The following ZBTB37 variants were observed in gnomAD, a reference collection of about 807,000 sequenced individuals.
The protein encoded by ZBTB37 is zinc finger and BTB domain-containing protein 37.
A neutral mutation model predicts 37.7 loss-of-function variants in ZBTB37; 15 were observed. The observed-to-expected ratio is 0.40, with a 90% CI of 0.27 to 0.61. ZBTB37 has a LOEUF of 0.61. Among genes scored for constraint, ZBTB37 ranks in the 20% least tolerant of loss-of-function variants. The probability of loss-of-function intolerance (pLI) is 0.44; values close to 1 mark genes in which losing one functional copy is unlikely to be tolerated. For missense variants in ZBTB37, 514 were observed against 641.9 expected (o/e 0.80, Z 2.15); for synonymous variants, 231 against 220.6 (o/e 1.05, Z -0.42).
intron 4 of ZBTB37, among the ~76,000 whole-genome samples, chr1:173,879,042 G>C (rs1656143853): frequency 6.8e-6 from 1 of 147,462 alleles, no homozygotes; most frequent in Non-Finnish European, 1.5e-5. Flanking sequence ...AGTGAGCCGA[G>C]ACCATGCCAT....
chr1:173,872,721 A>T (rs1364894538), intron 3 of ZBTB37, among the ~76,000 whole-genome samples: 1 of 152,150 alleles, frequency 6.6e-6, no homozygotes, highest in East Asian at 1.9e-4. Context: ...CAGAAGTAAT[A>T]TCAGGGCCAG....
intron 2 of ZBTB37, among the ~76,000 whole-genome samples, chr1:173,869,801 G>C (rs1351667273): frequency 2.6e-5 from 4 of 152,182 alleles, no homozygotes; most frequent in Admixed American, 1.3e-4. Flanking sequence ...CATTTATTCA[G>C]AAAGCTTTCC....
intron 2 of ZBTB37, among the ~76,000 whole-genome samples, chr1:173,869,726 TAAA>T (rs541630238): frequency 5.9e-5 from 9 of 152,306 alleles, no homozygotes; most frequent in African/African-American, 9.6e-5. Context: ...TATAAAATAA[TAAA>T]CATAATTCTT....
rs748601826 is a variant in ZBTB37 at position 173,870,890 on chromosome 1, T to C, written c.665T>C (p.Val222Ala). The C allele has an allele frequency of 1.2e-6, 2 of 1,614,178 alleles. No individual in the cohort carries two copies. The highest frequency in any genetic ancestry group is 4.5e-5 in the East Asian group (2 of 44,882). The change falls in exon 3 of 5, where the codon GTG becomes GCG. Residue 222 changes from valine (V) to alanine (A), a missense_variant. By Grantham distance (64) the Val-to-Ala change is moderately conservative. Transcript: ENST00000427304. The stretch of plus-strand genomic sequence containing the variant: ...ATCAACCGAGCAGGACAGTGGTATG[T>C]GGAGACAGGAGTGGCGGACCGTGGG...
At chr1:173,883,723 C>T (rs555123502) in intron 4 of ZBTB37, among the ~76,000 whole-genome samples, 59 of 152,238 alleles carry the variant, frequency 3.9e-4, no homozygotes, top group African/African-American at 1.3e-3. Context: ...AATCTTAAAA[C>T]CTCAGTCTTA....
chr1:173,902,337 TAAAAC>T (rs1442505528), exon 4 of ZBTB37: 1 of 152,250 alleles, frequency 6.6e-6, no homozygotes, highest in Non-Finnish European at 1.5e-5. Flanking sequence ...GGATTCATAT[TAAAAC>T]AGACAATCAG....
In ZBTB37 at chr1:173,878,025, A is replaced by G. The variant is rs557383267; in HGVS notation, c.1023+4459A>G. ...TTTAACCCAACTTTTCCCACCACTC[A>G]TCAGCATTCACTGTCTCAAACAGAT... On this transcript the variant is annotated intron_variant, in intron 4 of 4. Coordinates refer to ENST00000427304, the Ensembl canonical transcript of ZBTB37. Among the ~76,000 whole-genome samples, 17 of 152,314 alleles carry G rather than the reference A, an allele frequency of 1.1e-4. No homozygotes were observed. In the South Asian group the frequency reaches 1.7e-3, roughly 15 times the overall value.
rs190271798 is a variant in ZBTB37, at chr1:173,876,569, C to T, written c.1023+3003C>T. ...CTGACCTCAGGTAATCCAACCGCCT[C>T]AGCCTCCCGAAGTGCTGGGATTACA... On this transcript the variant is annotated intron_variant, in intron 4 of 4. Coordinates refer to ENST00000427304, the Ensembl canonical transcript of ZBTB37. 6.9e-4 allele frequency among the ~76,000 whole-genome samples: 105 copies of T among 152,328 alleles called. 2 individuals are homozygous for T. The East Asian group carries it at 0.016, about 23-fold the overall frequency.
chr1:173,881,542 A>C lies in ZBTB37; in HGVS notation c.1024-4094A>C, dbSNP rs528581600. 4.8e-3 allele frequency among the ~76,000 whole-genome samples: 732 copies of C among 152,332 alleles called. 3 individuals are homozygous for C. The highest frequency in any genetic ancestry group is 8.8e-3 in the Non-Finnish European group (602 of 68,028). On this transcript the variant is annotated intron_variant, in intron 4 of 4. Coordinates refer to ENST00000427304, the Ensembl canonical transcript of ZBTB37. Reference sequence around the variant, plus strand: ...GAGGAATTGCCACACTGTCTTCCACAATGGTTGAACTAGTTTACAGTCCCA... The same window carrying C: ...GAGGAATTGCCACACTGTCTTCCACCATGGTTGAACTAGTTTACAGTCCCA...
chr1:173,884,521 G>A (rs887593137), intron 4 of ZBTB37, among the ~76,000 whole-genome samples: 2 of 151,926 alleles, frequency 1.3e-5, no homozygotes, highest in African/African-American at 2.4e-5. Flanking sequence ...CCCAGTTTTC[G>A]GATAAAAGAA....
chr1:173,899,558 GCTTT>G (rs1657180748), exon 4 of ZBTB37: 1 of 152,166 alleles, frequency 6.6e-6, no homozygotes, highest in Non-Finnish European at 1.5e-5. Flanking sequence ...CCGGCCTTAT[GCTTT>G]CTATTACAGG....
chr1:173,875,539 C>T (rs1359591971), intron 4 of ZBTB37, among the ~76,000 whole-genome samples: 4 of 151,928 alleles, frequency 2.6e-5, no homozygotes, highest in Non-Finnish European at 5.9e-5. Context: ...GTGGGCCAGG[C>T]TGGTCTTGAA....
chr1:173,897,648 T>A (rs939281308), exon 4 of ZBTB37: 1 of 152,216 alleles, frequency 6.6e-6, no homozygotes, highest in Non-Finnish European at 1.5e-5. Context: ...AAAGTCAGTG[T>A]AGAATATCCT....
chr1:173,893,226 A>G (rs1022362699), exon 4 of ZBTB37: 1 of 152,160 alleles, frequency 6.6e-6, no homozygotes, highest in East Asian at 1.9e-4. Flanking sequence ...TTTTATATTC[A>G]GCATCTCATA....
At chr1:173,871,621 G>T (rs1655569611) in intron 3 of ZBTB37, among the ~76,000 whole-genome samples, 1 of 152,154 alleles carries the variant, frequency 6.6e-6, no homozygotes, top group Non-Finnish European at 1.5e-5. Context: ...AGCAGTAATT[G>T]TTCTTTTCAA....
At position 173,870,293 on chromosome 1, in the gene ZBTB37, AC is replaced by A; in HGVS notation, c.70del (p.Gln24SerfsTer40). The A allele has an allele frequency of 6.2e-7, 1 of 1,614,152 alleles. No individual in the cohort carries two copies. ...AGCAACTCTGTCCTGAGCCATCTAA[AC>A]CAGTTGCGCATGCAGGGCCGTCTCT... On this transcript the variant is annotated frameshift_variant, in exon 3 of 5. Coordinates refer to ENST00000427304, the Ensembl canonical transcript of ZBTB37. LOFTEE classifies it high-confidence loss of function.
chr1:173,878,823 C>A (rs1259842337), intron 4 of ZBTB37, among the ~76,000 whole-genome samples: 1 of 152,134 alleles, frequency 6.6e-6, no homozygotes, highest in African/African-American at 2.4e-5. Context: ...GTGGCTCATG[C>A]CTATAATCCC....
At chr1:173,885,851 A>G (rs746963048) in exon 5 of ZBTB37, 42 of 1,551,760 alleles carry the variant, frequency 2.7e-5, no homozygotes, top group Non-Finnish European at 3.6e-5. Flanking sequence ...ATACCCGGAA[A>G]GATCAGCTGG....
At chr1:173,895,126 C>T (rs1656995380) in exon 4 of ZBTB37, 1 of 152,202 alleles carries the variant, frequency 6.6e-6, no homozygotes, top group Non-Finnish European at 1.5e-5. Flanking sequence ...TGTTTTAGGA[C>T]AGAGTTTCAC....
Sources: allele counts gnomAD v4.1 joint callset (sites outside exome capture counted in the v4.1 genomes callset), GRCh38; gene constraint gnomAD v4.1.1; transcripts MANE v1.5; gene names NCBI Gene and HGNC (gene_info 2026-07-23, HGNC 2026-07-21).